The following ZNF75D variants were observed in gnomAD, a reference collection of about 807,000 sequenced individuals.
The protein encoded by ZNF75D is zinc finger protein 75.
ZNF75D carries 33 observed loss-of-function variants against 33.3 expected under a neutral mutation model. The ratio of observed to expected loss-of-function variants is 0.99; its 90% CI spans 0.75 to 1.32. ZNF75D has a LOEUF of 1.32. Ranked by LOEUF, ZNF75D falls within the 40% of genes most tolerant of loss-of-function variation. The probability of loss-of-function intolerance (pLI) is 0.00; values close to 1 mark genes in which losing one functional copy is unlikely to be tolerated. For synonymous variants in ZNF75D, 113 were observed against 130.6 expected (o/e 0.87, Z 0.92); for missense variants, 338 against 367.5 (o/e 0.92, Z 0.66).
chrX:135,277,258 T>A (rs1311202651), intron 1 of ZNF75D, among the ~76,000 whole-genome samples: 1 of 112,742 alleles, frequency 8.9e-6, no homozygotes, highest in Non-Finnish European at 1.9e-5. Context: ...AACTTTTTTT[T>A]AATAGTTTGT....
Position 135,329,478 on chromosome X carries a change from A to G in ZNF75D, c.-391+12290T>C, listed in dbSNP as rs1251766460. Among the ~76,000 whole-genome samples the G allele has an allele frequency of 2.7e-5, 3 of 111,214 alleles. No homozygotes were observed. In the East Asian group the frequency reaches 8.5e-4, roughly 31 times the overall value. On this transcript the variant is annotated intron_variant, in intron 1 of 6. Transcript: ENST00000370766. ...ATTTTAGTAGAGATGGGGTTTCACC[A>G]TTTTTTCCAGGGTGTTCTCAAACGC... is the stretch of plus-strand genomic sequence containing the variant.
chrX:135,342,765 T>C lies in ZNF75D; in HGVS notation c.-1388A>G, dbSNP rs1031787633. 3.6e-5 allele frequency: 4 copies of C among 111,869 alleles called. No homozygotes were observed. The highest frequency in any genetic ancestry group is 9.8e-5 in the African/African-American group (3 of 30,678). 9.2% of individuals were successfully genotyped at this position (111,869 alleles called of 1,213,427 possible). A position where few individuals can be genotyped will look rare whatever the true frequency, so the allele number is the denominator to read the frequency against. On this transcript the variant is annotated 5_prime_UTR_variant, in exon 1 of 7. Coordinates refer to ENST00000370766, the MANE Select transcript of ZNF75D (RefSeq NM_007131.5). ...CTCACAGTTTCAAGCACTAGCTGTG[T>C]GCCAGCAGTGCGATTATTACGGACA...
In ZNF75D at chrX:135,343,573, C is replaced by A. The variant is rs1002746699; in HGVS notation, c.-2196G>T. On this transcript the variant is annotated 5_prime_UTR_variant, in exon 1 of 7. Coordinates refer to ENST00000370766, the MANE Select transcript of ZNF75D (RefSeq NM_007131.5). ...ACAGGTGGGAGGCCGCCAAGCTAGA[C>A]CTTGGGTCGGGCGGGAGCAGCAGGA... 2 of 111,917 alleles carry A rather than the reference C, an allele frequency of 1.8e-5. No homozygotes were observed. Among genetic ancestry groups the A allele is most frequent in the South Asian group, 3.8e-4 (1 of 2,664 alleles). 9.2% of individuals were successfully genotyped at this position (111,917 alleles called of 1,213,427 possible).
chrX:135,326,347 C>G (rs1347177755), intron 1 of ZNF75D, among the ~76,000 whole-genome samples: 2 of 112,089 alleles, frequency 1.8e-5, no homozygotes, highest in African/African-American at 6.5e-5. Context: ...AATCGACACT[C>G]TGTATCTAGC....
At position 135,260,933 on chromosome X, in the gene ZNF75D, T is replaced by A. The variant is rs1342941121; in HGVS notation, n.828-5156A>T. On this transcript the variant is annotated intron_variant and non_coding_transcript_variant, in intron 1 of 3. Coordinates refer to the ZNF75D transcript ENST00000494295. ...TTTCCTGCTTTCTCCTGTGGGCATT[T>A]AGTGCTATAAATTTCCCTCTACACA... Among the ~76,000 whole-genome samples the A allele has an allele frequency of 3.6e-5, 4 of 112,474 alleles. No homozygotes were observed. In the Admixed American group the frequency reaches 3.8e-4, roughly 11 times the overall value.
At chrX:135,284,652 G>T (rs1198048555), downstream of ZNF75D, among the ~76,000 whole-genome samples, 1 of 112,014 alleles carries the variant, frequency 8.9e-6, no homozygotes, top group Non-Finnish European at 1.9e-5. Context: ...CCTGCCACTT[G>T]CCTTAAATAA....
intron 1 of ZNF75D, among the ~76,000 whole-genome samples, chrX:135,280,480 C>T (rs782492022): frequency 1.8e-5 from 2 of 111,806 alleles, no homozygotes; most frequent in East Asian, 5.6e-4. Context: ...ACATTTAGCC[C>T]ATTTACATTT....
chrX:135,258,883 G>C (rs1363657632), intron 1 of ZNF75D, among the ~76,000 whole-genome samples: 1 of 112,057 alleles, frequency 8.9e-6, no homozygotes, highest in Non-Finnish European at 1.9e-5. Flanking sequence ...CCTATGTCCT[G>C]AATGGTATTG....
chrX:135,330,210 A>G (rs33937663), intron 1 of ZNF75D, among the ~76,000 whole-genome samples: 28,158 of 110,938 alleles, frequency 0.25, 2,839 homozygotes, highest in South Asian at 0.43. Flanking sequence ...TCATGGCCCA[A>G]AGCAATCTCT....
In ZNF75D at chrX:135,294,747, T is replaced by C. The variant is rs1159886279; in HGVS notation, c.-118-489A>G. On this transcript the variant is annotated intron_variant, in intron 2 of 6. Coordinates refer to ENST00000370766, the MANE Select transcript of ZNF75D (RefSeq NM_007131.5). ...ATTTAGATTGAAGCCTTTTACTAAA[T>C]GGAACTCTTAATATTCCCTTTTATA... Among the ~76,000 whole-genome samples, 14 of 111,816 alleles carry C rather than the reference T, an allele frequency of 1.3e-4. No homozygotes were observed. In the Admixed American group the frequency reaches 1.3e-3, roughly 11 times the overall value.
intron 6 of ZNF75D, among the ~76,000 whole-genome samples, chrX:135,289,613 C>A (rs1184834571): frequency 1.4e-5 from 1 of 69,192 alleles, no homozygotes; most frequent in Non-Finnish European, 2.6e-5. Context: ...GAGACTCTGA[C>A]ACACACACAC....
At chrX:135,289,707 T>C (rs2084011662) in intron 6 of ZNF75D, among the ~76,000 whole-genome samples, 1 of 108,527 alleles carries the variant, frequency 9.2e-6, no homozygotes, top group African/African-American at 3.4e-5. Context: ...AAATACAGAC[T>C]TAATTTGTAA....
chrX:135,337,609 A>G (rs1433164825), intron 1 of ZNF75D, among the ~76,000 whole-genome samples: 1 of 111,916 alleles, frequency 8.9e-6, no homozygotes, highest in Non-Finnish European at 1.9e-5. Context: ...TGCTCAGGAC[A>G]GAGTCTTGAA....
Position 135,287,352 on chromosome X carries a change from G to A in ZNF75D, c.1318C>T (p.Gln440Ter). Residue 440 changes from glutamine to a stop codon, truncating the protein, a stop_gained, in exon 7 of 7, where the codon CAA (glutamine) becomes TAA (stop). Coordinates refer to ENST00000370766, the MANE Select transcript of ZNF75D (RefSeq NM_007131.5). LOFTEE classifies it high-confidence loss of function. ...GGCTTCTCTCCTGTGTGAATTCTTTGGTGTGTGTGTAGATTTGTGTTATGA... is the reference window on the plus strand; with the variant it reads ...GGCTTCTCTCCTGTGTGAATTCTTTAGTGTGTGTGTAGATTTGTGTTATGA... ...FSHNTNLHTH[Q>*]RIHTGEKPFK... 8.3e-7 allele frequency: 1 copy of A among 1,211,360 alleles called. No homozygotes were observed. Among genetic ancestry groups the A allele is most frequent in the Non-Finnish European group, 1.1e-6 (1 of 895,184 alleles).
chrX:135,328,719 A>G (rs1339392272), intron 1 of ZNF75D, among the ~76,000 whole-genome samples: 1 of 112,403 alleles, frequency 8.9e-6, no homozygotes, highest in Admixed American at 9.4e-5. Flanking sequence ...TTCCCAATGC[A>G]AGGAGAACCT....
chrX:135,299,142 C>T (rs1245100171), intron 1 of ZNF75D, among the ~76,000 whole-genome samples: 1 of 111,992 alleles, frequency 8.9e-6, no homozygotes, highest in Non-Finnish European at 1.9e-5. Context: ...ATTTTACATA[C>T]ATTTGTAGTG....
At position 135,299,948 on chromosome X, in the gene ZNF75D, C is replaced by G. The variant is rs1319113689; in HGVS notation, c.-390-3909G>C. On this transcript the variant is annotated intron_variant, in intron 1 of 6. Transcript: ENST00000370766. ...CAAGGTGTATGGCTTTGTTTCTGAA[C>G]TTTCAATTCTATTCTATTGATCTAA... 1.8e-5 allele frequency among the ~76,000 whole-genome samples: 2 copies of G among 112,360 alleles called. 1 individual carries two copies. The highest frequency in any genetic ancestry group is 6.5e-5 in the African/African-American group (2 of 30,906).
intron 1 of ZNF75D, among the ~76,000 whole-genome samples, chrX:135,278,272 C>T (rs1381960594): frequency 9.0e-6 from 1 of 111,300 alleles, no homozygotes; most frequent in African/African-American, 3.3e-5. Context: ...GGAGTTCACT[C>T]GTGATTTGGC....
Position 135,294,192 on chromosome X carries a change from A to G in ZNF75D, c.-52T>C. ...TATGTGACACTGACACCCACCTGGT[A>G]CCACCTTTGACAAATCAGGGTGCAT... On this transcript the variant is annotated 5_prime_UTR_variant, in exon 3 of 7. Transcript: ENST00000370766. 9.6e-7 allele frequency: 1 copy of G among 1,039,468 alleles called. No homozygotes were observed. Among genetic ancestry groups the G allele is most frequent in the Non-Finnish European group, 1.3e-6 (1 of 768,112 alleles). 85.7% of individuals were successfully genotyped at this position (1,039,468 alleles called of 1,213,427 possible). A position where few individuals can be genotyped will look rare whatever the true frequency, so the allele number is the denominator to read the frequency against.
Sources: allele counts gnomAD v4.1 joint callset (sites outside exome capture counted in the v4.1 genomes callset), GRCh38; gene constraint gnomAD v4.1.1; transcripts MANE v1.5; gene names NCBI Gene and HGNC (gene_info 2026-07-23, HGNC 2026-07-21).